The following SYT1 variants were observed in gnomAD, a reference collection of about 807,000 sequenced individuals.
The protein encoded by SYT1 is synaptotagmin 1.
In SYT1, 8 loss-of-function variants were observed where a neutral mutation model predicts 44.8. The observed-to-expected ratio is 0.18, with a 90% CI of 0.10 to 0.32. The LOEUF is 0.32. SYT1 is among the 10% of genes least tolerant of loss of function. SYT1 has a pLI of 1.00. For synonymous variants in SYT1, 154 were observed against 188.8 expected (o/e 0.82, Z 1.51); for missense variants, 286 against 509.3 (o/e 0.56, Z 4.22).
intron 3 of SYT1, among the ~76,000 whole-genome samples, chr12:79,160,403 T>G (rs554368614): frequency 6.6e-6 from 1 of 152,158 alleles, no homozygotes; most frequent in East Asian, 1.9e-4. Context: ...ACCATGGAAG[T>G]GGATGAAGCC....
intron 3 of SYT1, among the ~76,000 whole-genome samples, chr12:79,130,211 A>G (rs1868720580): frequency 6.6e-6 from 1 of 152,226 alleles, no homozygotes; most frequent in Non-Finnish European, 1.5e-5. Flanking sequence ...CTGAGTGATT[A>G]TATATGTATT....
At chr12:79,155,952 T>C (rs1870567314) in intron 3 of SYT1, among the ~76,000 whole-genome samples, 1 of 152,224 alleles carries the variant, frequency 6.6e-6, no homozygotes. Context: ...CATTGTTACA[T>C]GTGTGGAGCA....
intron 1 of SYT1, among the ~76,000 whole-genome samples, chr12:78,909,045 C>G (rs1361173526): frequency 6.6e-6 from 1 of 151,826 alleles, no homozygotes; most frequent in Non-Finnish European, 1.5e-5. Flanking sequence ...TATTGCTCCT[C>G]CCTGTGGATA....
chr12:79,029,288 A>G (rs1370516937), intron 2 of SYT1, among the ~76,000 whole-genome samples: 2 of 150,898 alleles, frequency 1.3e-5, no homozygotes, highest in Admixed American at 1.3e-4. Flanking sequence ...CATCAACAGT[A>G]CAAATTGTTT....
chr12:79,321,946 G>A (rs1051782978), intron 8 of SYT1, among the ~76,000 whole-genome samples: 5 of 152,288 alleles, frequency 3.3e-5, no homozygotes, highest in Admixed American at 6.5e-5. Context: ...CCATTAGTTA[G>A]AGTGCCCGGA....
At chr12:79,270,574 A>C (rs115833433) in intron 4 of SYT1, among the ~76,000 whole-genome samples, 1,722 of 152,302 alleles carry the variant, frequency 0.011, 33 homozygotes, top group African/African-American at 0.038. Context: ...GTTGTTTCTT[A>C]ATATGATAAA....
chr12:78,953,453 C>T (rs115092770), intron 1 of SYT1, among the ~76,000 whole-genome samples: 1,997 of 152,026 alleles, frequency 0.013, 51 homozygotes, highest in African/African-American at 0.046. Flanking sequence ...TAGAAGTATC[C>T]GAAGTGCATT....
At chr12:78,895,953 C>T (rs1020038600) in intron 1 of SYT1, among the ~76,000 whole-genome samples, 7 of 151,628 alleles carry the variant, frequency 4.6e-5, no homozygotes, top group Non-Finnish European at 1.0e-4. Flanking sequence ...TATTTAGTTA[C>T]CATGCAATGC....
chr12:78,940,347 C>T (rs1451017062), intron 1 of SYT1, among the ~76,000 whole-genome samples: 2 of 152,242 alleles, frequency 1.3e-5, no homozygotes, highest in African/African-American at 2.4e-5. Context: ...GCTCAAACAT[C>T]AGAACAGAGT....
intron 9 of SYT1, among the ~76,000 whole-genome samples, chr12:79,375,205 G>A (rs965107318): frequency 3.9e-5 from 6 of 152,042 alleles, no homozygotes; most frequent in Non-Finnish European, 8.8e-5. Flanking sequence ...GTAACCTGCC[G>A]GGAGCTAATT....
chr12:79,304,304 A>AATT (rs1246889616), intron 8 of SYT1, among the ~76,000 whole-genome samples: 31 of 152,326 alleles, frequency 2.0e-4, no homozygotes, highest in African/African-American at 7.2e-4. Flanking sequence ...CCGTGTTAAT[A>AATT]GTCATTGTGT....
chr12:79,213,999 T>C (rs868619922), intron 3 of SYT1, among the ~76,000 whole-genome samples: 20 of 152,200 alleles, frequency 1.3e-4, no homozygotes, highest in Admixed American at 7.9e-4. Flanking sequence ...ATCCACAAAA[T>C]GATGCCTCCT....
intron 1 of SYT1, among the ~76,000 whole-genome samples, chr12:78,879,846 T>G (rs748673505): frequency 1.3e-5 from 2 of 151,806 alleles, no homozygotes; most frequent in Non-Finnish European, 2.9e-5. Context: ...TGGCCTTTTT[T>G]CAGGTTTTTA....
intron 9 of SYT1, among the ~76,000 whole-genome samples, chr12:79,426,553 T>C (rs1215737585): frequency 1.3e-5 from 2 of 152,188 alleles, no homozygotes; most frequent in Admixed American, 1.3e-4. Flanking sequence ...CCTTAACTGC[T>C]AGCTATCCAA....
intron 1 of SYT1, among the ~76,000 whole-genome samples, chr12:78,919,105 C>T (rs1876835853): frequency 6.6e-6 from 1 of 151,954 alleles, no homozygotes. Flanking sequence ...TTATTAATTC[C>T]TGTCTTTGTG....
At chr12:79,296,355 C>A (rs1879875221) in intron 7 of SYT1, 119 bp downstream of exon 7, 3 of 1,065,790 alleles carry the variant, frequency 2.8e-6, no homozygotes, top group Non-Finnish European at 4.0e-6. Context: ...ACAATAATTC[C>A]AGTCAGAATA....
intron 2 of SYT1, among the ~76,000 whole-genome samples, chr12:79,033,286 C>A (rs1389091942): frequency 6.6e-6 from 1 of 151,340 alleles, no homozygotes; most frequent in Non-Finnish European, 1.5e-5. Context: ...AGATTGAACT[C>A]TTCCCCAAAT....
intron 9 of SYT1, among the ~76,000 whole-genome samples, chr12:79,439,815 T>A (rs538738410): frequency 6.6e-6 from 1 of 152,220 alleles, no homozygotes; most frequent in East Asian, 1.9e-4. Context: ...CCAAGTTAGG[T>A]TGGCTCTAGA....
chr12:79,252,661 G>C (rs368421910), intron 4 of SYT1, among the ~76,000 whole-genome samples: 4 of 152,112 alleles, frequency 2.6e-5, no homozygotes, highest in African/African-American at 9.7e-5. Context: ...GTCTCTAAGT[G>C]ACTGCAATAA....
Sources: allele counts gnomAD v4.1 joint callset (sites outside exome capture counted in the v4.1 genomes callset), GRCh38; gene constraint gnomAD v4.1.1; transcripts MANE v1.5; gene names NCBI Gene and HGNC (gene_info 2026-07-23, HGNC 2026-07-21).